GRIP2: variants seen among roughly 807,000 people sequenced by gnomAD.
GRIP2 encodes glutamate receptor interacting protein 2.
GRIP2 carries 58 observed loss-of-function variants against 108.3 expected under a neutral mutation model. The ratio of observed to expected loss-of-function variants is 0.54; its 90% CI spans 0.43 to 0.67. The LOEUF is 0.67. Ranked by LOEUF, GRIP2 falls within the 30% of genes least tolerant of loss-of-function variation. GRIP2 has a pLI of 0.00. For missense variants in GRIP2, 1,278 were observed against 1,430.6 expected, an observed-to-expected ratio of 0.89 and a Z score of 1.72; for synonymous variants, 586 against 598.2, an observed-to-expected ratio of 0.98 and a Z score of 0.30.
rs1279865266 is a variant in GRIP2, at chr3:14,490,716, G to C, written c.*2949C>G. On this transcript the variant is annotated 3_prime_UTR_variant, in exon 24 of 24. Coordinates refer to ENST00000621039, the MANE Select transcript of GRIP2 (RefSeq NM_001080423.4). ...CCCAGGCCTTCTTTCTCTTCCTTGAGACCGTCAAACTCGTTCCTATCTCAG... is the reference window on the plus strand; with the variant it reads ...CCCAGGCCTTCTTTCTCTTCCTTGACACCGTCAAACTCGTTCCTATCTCAG... The C allele has an allele frequency of 6.6e-6, 1 of 152,260 alleles. No homozygotes were observed. Among genetic ancestry groups the C allele is most frequent in the Admixed American group, 6.5e-5 (1 of 15,272 alleles). The allele number at this position is 152,260 out of a possible 1,614,324, so 9.4% of individuals were successfully genotyped here. A position where few individuals can be genotyped will look rare whatever the true frequency, so the allele number is the denominator to read the frequency against.
intron 22 of GRIP2, 62 bp downstream of exon 22, chr3:14,496,355 C>A: frequency 6.9e-7 from 1 of 1,446,722 alleles, no homozygotes; most frequent in Non-Finnish European, 9.4e-7. Flanking sequence ...TGGAGTCCCA[C>A]GACAGTGCTC....
intron 21 of GRIP2, among the ~76,000 whole-genome samples, chr3:14,500,448 G>A (rs1395236565): frequency 6.6e-6 from 1 of 152,126 alleles, no homozygotes; most frequent in Non-Finnish European, 1.5e-5. Context: ...CAGAGCAAGA[G>A]AGCCAGCCAT....
At chr3:14,523,327 CCCCTT>C in intron 5 of GRIP2, 1 of 572,780 alleles carries the variant, frequency 1.7e-6, no homozygotes, top group South Asian at 2.3e-5. Context: ...CACCTTATTT[CCCCTT>C]TTCCCTGATC....
chr3:14,558,642 G>A (rs1370228291), upstream of GRIP2, among the ~76,000 whole-genome samples: 1 of 152,178 alleles, frequency 6.6e-6, no homozygotes, highest in African/African-American at 2.4e-5. Context: ...TGCCCTGTAA[G>A]TGTCCCAGGC....
intron 21 of GRIP2, among the ~76,000 whole-genome samples, chr3:14,502,120 C>A (rs1429615471): frequency 1.3e-5 from 2 of 152,058 alleles, no homozygotes; most frequent in Non-Finnish European, 2.9e-5. Context: ...AGACTAAATT[C>A]ATCTTTAATA....
chr3:14,533,617 G>A (rs371407551), intron 1 of GRIP2, among the ~76,000 whole-genome samples: 30 of 152,236 alleles, frequency 2.0e-4, no homozygotes, highest in Non-Finnish European at 2.9e-4. Flanking sequence ...GTTGGCTGGC[G>A]AAGGGGGGGA....
chr3:14,502,035 TTTAA>T (rs1346189015), intron 21 of GRIP2, among the ~76,000 whole-genome samples: 2 of 152,206 alleles, frequency 1.3e-5, no homozygotes, highest in African/African-American at 4.8e-5. Flanking sequence ...TAGAATTAAG[TTTAA>T]TTATATATTT....
At position 14,511,238 on chromosome 3, in the gene GRIP2, C is replaced by T. The variant is rs771565785; in HGVS notation, c.1860G>A (p.Glu620=). ...DNIRLDNCPM[E]DAVQILRQCE... ...ACTGCCGCAGGATTTGCACGGCGTC[C>T]TCCATGGGGCAGTTGTCCAGGCGGA... Residue 620 remains glutamate (E), a synonymous_variant, in exon 16 of 24, where the codon GAG becomes GAA. Coordinates refer to ENST00000621039, the MANE Select transcript of GRIP2 (RefSeq NM_001080423.4). The surrounding 1 kb of genome is among the most constrained non-coding windows in gnomAD (Gnocchi z 4.1). The T allele has an allele frequency of 6.2e-7, 1 of 1,614,022 alleles. No individual in the cohort carries two copies. Among genetic ancestry groups the T allele is most frequent in the Non-Finnish European group, 8.5e-7 (1 of 1,179,892 alleles).
Position 14,527,178 on chromosome 3 carries a change from C to T in GRIP2, c.41-1247G>A, listed in dbSNP as rs549986099. Among the ~76,000 whole-genome samples, 69 of 152,032 alleles carry T rather than the reference C, an allele frequency of 4.5e-4. No homozygotes were observed. In the South Asian group the frequency reaches 7.9e-3, roughly 17 times the overall value. On this transcript the variant is annotated intron_variant, in intron 1 of 23. Coordinates refer to ENST00000621039, the MANE Select transcript of GRIP2 (RefSeq NM_001080423.4). ...TTCCAGTGACAGAGAGACTCTGAGA[C>T]CCTCACTCTGTCTCGAAAAGAGAGA...
chr3:14,528,479 T>C (rs1333925240), intron 1 of GRIP2, among the ~76,000 whole-genome samples: 1 of 152,232 alleles, frequency 6.6e-6, no homozygotes, highest in Non-Finnish European at 1.5e-5. Context: ...GGCTGTGCCA[T>C]TTTGCACCCG....
At chr3:14,547,067 G>A (rs142418237), upstream of GRIP2, among the ~76,000 whole-genome samples, 143 of 152,254 alleles carry the variant, frequency 9.4e-4, 2 homozygotes, top group East Asian at 0.021. Context: ...GACAGGTAAC[G>A]TGGTGACTGC....
chr3:14,548,312 C>T (rs893232937), intron 1 of GRIP2, among the ~76,000 whole-genome samples: 1 of 152,106 alleles, frequency 6.6e-6, no homozygotes, highest in South Asian at 2.1e-4. Flanking sequence ...GCACTGTGAC[C>T]GGCCATGTGG....
chr3:14,602,814 G>A, the GRIP2 span, among the ~76,000 whole-genome samples: 1 of 151,638 alleles, frequency 6.6e-6, no homozygotes, highest in African/African-American at 2.4e-5. The surrounding 1 kb of genome is among the most constrained non-coding windows in gnomAD (Gnocchi z 4.7). Flanking sequence ...CCTCCCGCGG[G>A]GACCCTCCCC....
At position 14,503,562 on chromosome 3, in the gene GRIP2, A is replaced by G. The variant is rs549751852; in HGVS notation, c.2679+4T>C. On this transcript the variant is annotated splice_donor_region_variant and intron_variant, in intron 21 of 23. Transcript: ENST00000621039. ...ATGCAGGCCTGCAGGGCAGGCAGCCATACCTCCAGTTCCCTCAGCAGCTCT... is the reference window on the plus strand; with the variant it reads ...ATGCAGGCCTGCAGGGCAGGCAGCCGTACCTCCAGTTCCCTCAGCAGCTCT... 6.8e-6 allele frequency: 11 copies of G among 1,605,914 alleles called. No homozygotes were observed. The East Asian group carries it at 2.5e-4, about 36-fold the overall frequency.
chr3:14,533,634 C>A (rs753374379), intron 1 of GRIP2, among the ~76,000 whole-genome samples: 4 of 152,108 alleles, frequency 2.6e-5, no homozygotes, highest in Non-Finnish European at 5.9e-5. Context: ...GGGACCCATG[C>A]CCTGGGTCTC....
At chr3:14,535,565 A>C (rs1694814759) in intron 1 of GRIP2, among the ~76,000 whole-genome samples, 1 of 152,168 alleles carries the variant, frequency 6.6e-6, no homozygotes, top group South Asian at 2.1e-4. Context: ...ACCACTTTTG[A>C]GGCGGTATAA....
the GRIP2 span, among the ~76,000 whole-genome samples, chr3:14,579,684 C>T: frequency 9.0e-6 from 1 of 111,598 alleles, no homozygotes; most frequent in African/African-American, 3.4e-5. Flanking sequence ...CCCGCCTTCA[C>T]AACCCTGGGG....
At chr3:14,550,800 C>T (rs73133623) in intron 1 of GRIP2, among the ~76,000 whole-genome samples, 6,346 of 152,288 alleles carry the variant, frequency 0.042, 432 homozygotes, top group African/African-American at 0.14. Context: ...ACCCACTCTG[C>T]GCATGGGCAC....
At chr3:14,528,323 G>A (rs1326489610) in intron 1 of GRIP2, among the ~76,000 whole-genome samples, 1 of 152,132 alleles carries the variant, frequency 6.6e-6, no homozygotes, top group Admixed American at 6.5e-5. Flanking sequence ...TCCAGTTTTT[G>A]GTGATTTTGA....
Sources: gnomAD v4.1 joint callset for allele counts (sites outside exome capture counted in the v4.1 genomes callset) on GRCh38, gnomAD v4.1.1 for gene constraint, Gnocchi (gnomAD v3.1) non-coding constraint, MANE v1.5 for transcripts, NCBI Gene and HGNC (gene_info 2026-07-23, HGNC 2026-07-21) for gene names.